TBC1D4: variants seen among roughly 807,000 people sequenced by gnomAD.
TBC1D4 encodes the protein TBC (Tre-2, BUB2, CDC16) domain-containing protein.
TBC1D4 carries 121 observed loss-of-function variants against 142.5 expected under a neutral mutation model. The observed-to-expected ratio is 0.85, with a 90% CI of 0.73 to 0.99. TBC1D4 has a LOEUF of 0.99. Ranked by LOEUF, TBC1D4 falls within the 50% of genes least tolerant of loss-of-function variation. The probability of loss-of-function intolerance (pLI) is 0.00; values close to 1 mark genes in which losing one functional copy is unlikely to be tolerated. For missense variants in TBC1D4, 1,475 were observed against 1,606.6 expected, an observed-to-expected ratio of 0.92 and a Z score of 1.40; for synonymous variants, 630 against 628.2, an observed-to-expected ratio of 1.00 and a Z score of -0.04.
At chr13:75,480,866 C>A (rs1888819584) in intron 1 of TBC1D4, among the ~76,000 whole-genome samples, 1 of 115,548 alleles carries the variant, frequency 8.7e-6, no homozygotes, top group African/African-American at 3.2e-5. Context: ...CGCGCTCGCG[C>A]GCACACGCAC....
chr13:75,341,353 A>G, intron 6 of TBC1D4, 118 bp from the exon 7 acceptor site: 1 of 1,271,108 alleles, frequency 7.9e-7, no homozygotes, highest in Admixed American at 1.8e-5. Flanking sequence ...AAGCAAAAGT[A>G]AAATGGCATT....
Position 75,379,885 on chromosome 13 carries a change from C to CTTTTTTTTTTTTTTTTTTTTTT in TBC1D4, c.499-17279_499-17278insAAAAAAAAAAAAAAAAAAAAAA, listed in dbSNP as rs1883718060. Among the ~76,000 whole-genome samples the CTTTTTTTTTTTTTTTTTTTTTT allele has an allele frequency of 6.1e-5, 6 of 98,536 alleles. 2 individuals are homozygous for CTTTTTTTTTTTTTTTTTTTTTT. Among genetic ancestry groups the CTTTTTTTTTTTTTTTTTTTTTT allele is most frequent in the Non-Finnish European group, 6.0e-5 (3 of 50,102 alleles). 64.6% of individuals were successfully genotyped at this position (98,536 alleles called of 152,430 possible). A position where few individuals can be genotyped will look rare whatever the true frequency, so the allele number is the denominator to read the frequency against. ...AAGTATATCAGTTTTGTTCATCTGA[C>CTTTTTTTTTTTTTTTTTTTTTT]TCTTTTTTTTTTTTTTTTTTTTTTT... is the stretch of plus-strand genomic sequence containing the variant. On this transcript the variant is annotated intron_variant, in intron 1 of 20. Coordinates refer to ENST00000377636, the MANE Select transcript of TBC1D4 (RefSeq NM_014832.5).
At chr13:75,406,731 A>C (rs1885364595) in intron 1 of TBC1D4, among the ~76,000 whole-genome samples, 1 of 152,250 alleles carries the variant, frequency 6.6e-6, no homozygotes, top group South Asian at 2.1e-4. Context: ...AGGAAAGATC[A>C]GGCAGTTCCC....
intron 1 of TBC1D4, among the ~76,000 whole-genome samples, chr13:75,456,695 G>A (rs1416429262): frequency 2.0e-5 from 3 of 150,456 alleles, no homozygotes; most frequent in Non-Finnish European, 2.9e-5. Context: ...ACACATTGCT[G>A]GTGGGAGTAG....
rs148153420 is a variant in TBC1D4, at chr13:75,363,089, G to C, written c.499-482C>G. On this transcript the variant is annotated intron_variant, in intron 1 of 20. Transcript: ENST00000377636. ...ATAAGATACCACTATATACCTCTTA[G>C]AATGGCTAAGATAAAAAGAAGACTG... is the stretch of plus-strand genomic sequence containing the variant. Among the ~76,000 whole-genome samples the C allele has an allele frequency of 6.2e-3, 939 of 152,248 alleles. 11 individuals carry two copies. The highest frequency in any genetic ancestry group is 0.021 in the African/African-American group (852 of 41,528).
intron 3 of TBC1D4, among the ~76,000 whole-genome samples, chr13:75,359,189 C>A (rs909251902): frequency 1.3e-5 from 2 of 152,032 alleles, no homozygotes; most frequent in Non-Finnish European, 2.9e-5. Context: ...TTCAAAAGTT[C>A]TTTTTAATCT....
intron 1 of TBC1D4, among the ~76,000 whole-genome samples, chr13:75,450,891 C>G (rs1887504763): frequency 6.6e-6 from 1 of 152,164 alleles, no homozygotes; most frequent in African/African-American, 2.4e-5. Context: ...TTAGCATAAA[C>G]TATCAAGTGT....
At chr13:75,378,108 T>C (rs1883624436) in intron 1 of TBC1D4, among the ~76,000 whole-genome samples, 1 of 152,130 alleles carries the variant, frequency 6.6e-6, no homozygotes, top group African/African-American at 2.4e-5. Flanking sequence ...TCAGCATGAT[T>C]TTACTCCATA....
rs1251802031 is a variant in TBC1D4, at chr13:75,362,543, G to A, written c.563C>T (p.Pro188Leu). The part of the protein sequence containing the change: ...SKAAMKEDAK[P>L]SKDNEDAFYN... The stretch of plus-strand genomic sequence containing the variant: ...AAAGGCGTCCTCATTATCTTTGCTG[G>A]GTTTGGCATCCTCTTTCATGGCCGC... Residue 188 changes from proline to leucine, a missense_variant, in exon 2 of 21, where the codon CCC (proline) becomes CTC (leucine). Transcript: ENST00000377636. This position sits in a 1 kb window ranked among gnomAD's most constrained non-coding sequence, Gnocchi z 4.2. 2 of 1,614,184 alleles carry A rather than the reference G, an allele frequency of 1.2e-6. No homozygotes were observed. The highest frequency in any genetic ancestry group is 1.7e-6 in the Non-Finnish European group (2 of 1,180,040).
intron 15 of TBC1D4, 46 bp downstream of exon 15, chr13:75,306,267 A>G (rs765669248): frequency 6.6e-7 from 1 of 1,508,610 alleles, no homozygotes; most frequent in Non-Finnish European, 8.9e-7. Context: ...AAAATCCCCC[A>G]GGCTTTTCTT....
In TBC1D4 at chr13:75,362,592, T is replaced by C; in HGVS notation, c.514A>G (p.Ser172Gly). The change falls in exon 2 of 21, where the codon AGC (serine) becomes GGC (glycine). Residue 172 changes from serine (S) to glycine (G), a missense_variant. By Grantham distance (56) the Ser-to-Gly change is moderately conservative. Coordinates refer to ENST00000377636, the MANE Select transcript of TBC1D4 (RefSeq NM_014832.5). This position sits in a 1 kb window ranked among gnomAD's most constrained non-coding sequence, Gnocchi z 4.2. ...TDPSQVPDVI[S>G]SIRQLSKAAM... is the part of the protein sequence containing the mutation. ...GCTTTAGATAATTGCCTTATGCTGCTAATAACATCAGGAACCTGGGGGAAA... is the reference window on the plus strand; with the variant it reads ...GCTTTAGATAATTGCCTTATGCTGCCAATAACATCAGGAACCTGGGGGAAA... 1 of 1,614,052 alleles carries C rather than the reference T, an allele frequency of 6.2e-7. No individual in the cohort carries two copies. The highest frequency in any genetic ancestry group is 8.5e-7 in the Non-Finnish European group (1 of 1,179,948).
chr13:75,396,129 T>C (rs758904211), intron 1 of TBC1D4, among the ~76,000 whole-genome samples: 22 of 152,182 alleles, frequency 1.4e-4, no homozygotes, highest in Non-Finnish European at 2.9e-4. Flanking sequence ...TTAATCCAGT[T>C]TCCTTCATTA....
intron 1 of TBC1D4, among the ~76,000 whole-genome samples, chr13:75,421,442 G>A (rs1380972875): frequency 6.6e-6 from 1 of 152,200 alleles, no homozygotes; most frequent in Non-Finnish European, 1.5e-5. Context: ...CCTGATGGGA[G>A]AGACTCCTTA....
At chr13:75,423,048 CA>C (rs2138127974) in intron 1 of TBC1D4, among the ~76,000 whole-genome samples, 1 of 152,236 alleles carries the variant, frequency 6.6e-6, no homozygotes, top group African/African-American at 2.4e-5. Context: ...ACAGAGAAAA[CA>C]TATTTTAATG....
At chr13:75,479,150 CTTCT>C (rs1476629977) in intron 1 of TBC1D4, among the ~76,000 whole-genome samples, 3 of 152,200 alleles carry the variant, frequency 2.0e-5, no homozygotes, top group Admixed American at 6.5e-5. Context: ...ACTCAACCCT[CTTCT>C]TTGTTATTTG....
At chr13:75,291,076 G>C (rs1337190089) in intron 19 of TBC1D4, among the ~76,000 whole-genome samples, 1 of 152,194 alleles carries the variant, frequency 6.6e-6, no homozygotes, top group African/African-American at 2.4e-5. Context: ...TGGTCCCTAT[G>C]AAGAGTCAAG....
intron 1 of TBC1D4, among the ~76,000 whole-genome samples, chr13:75,443,097 T>A (rs1162834579): frequency 3.3e-5 from 5 of 152,220 alleles, no homozygotes; most frequent in African/African-American, 1.2e-4. Flanking sequence ...AAGTAATTAG[T>A]TACTTCAGTT....
At chr13:75,410,798 T>C (rs1323323304) in intron 1 of TBC1D4, among the ~76,000 whole-genome samples, 6 of 150,200 alleles carry the variant, frequency 4.0e-5, no homozygotes, top group Admixed American at 4.0e-4. Flanking sequence ...TAGCCGGGCG[T>C]GGTAGCGGGC....
chr13:75,362,137 T>A lies in TBC1D4; in HGVS notation c.969A>T (p.Gln323His). The A allele has an allele frequency of 6.2e-7, 1 of 1,613,810 alleles. No individual in the cohort carries two copies. Among genetic ancestry groups the A allele is most frequent in the East Asian group, 2.2e-5 (1 of 44,856 alleles). ...TCTGGCTGCCCTCGTGAACTCTCCG[T>A]TGCACGCCGGTGACACTGCTGCACC... ...RSRCSSVTGV[Q>H]RRVHEGSQKS... is the part of the protein sequence containing the mutation. Residue 323 changes from glutamine (Q) to histidine (H), a missense_variant, in exon 2 of 21, where the codon CAA becomes CAT. Around this residue, in one of 2 missense-constraint regions of TBC1D4, gnomAD observed 1,227 missense variants for 1,267.7 expected, o/e 0.97. Transcript: ENST00000377636. The surrounding 1 kb of genome is among the most constrained non-coding windows in gnomAD (Gnocchi z 4.2).
Sources: gnomAD v4.1 joint callset for allele counts (sites outside exome capture counted in the v4.1 genomes callset) on GRCh38, gnomAD v4.1.1 for gene constraint, gnomAD v4.1.1 regional missense constraint, Gnocchi (gnomAD v3.1) non-coding constraint, MANE v1.5 for transcripts, NCBI Gene and HGNC (gene_info 2026-07-23, HGNC 2026-07-21) for gene names.